The following COL4A1 variants were observed in gnomAD, a reference collection of about 807,000 sequenced individuals.
The protein encoded by COL4A1 is collagen alpha-1(IV) chain.
COL4A1 carries 40 observed loss-of-function variants against 216.6 expected under a neutral mutation model. That is an observed-to-expected ratio of 0.18 (90% confidence interval 0.14 to 0.24). The LOEUF is 0.24. COL4A1 is among the 10% of genes least tolerant of loss of function. The pLI is 1.00. For missense variants in COL4A1, 1,628 were observed against 2,196.8 expected (o/e 0.74, Z 5.18); for synonymous variants, 839 against 810.7 (o/e 1.03, Z -0.59).
intron 1 of COL4A1, among the ~76,000 whole-genome samples, chr13:110,245,570 G>C (rs1028098758): frequency 2.6e-5 from 4 of 152,204 alleles, no homozygotes; most frequent in Non-Finnish European, 4.4e-5. Context: ...TTAAGGGATT[G>C]AAGCTGAAAA....
intron 1 of COL4A1, among the ~76,000 whole-genome samples, chr13:110,280,860 G>A (rs560883941): frequency 1.3e-5 from 2 of 151,852 alleles, no homozygotes; most frequent in South Asian, 2.1e-4. Flanking sequence ...AAATACATCC[G>A]AGATCTGGCT....
In COL4A1 at chr13:110,235,043, A is replaced by C. The variant is rs1419836363; in HGVS notation, c.144+7632T>G. Among the ~76,000 whole-genome samples, 3 of 152,202 alleles carry C rather than the reference A, an allele frequency of 2.0e-5. No individual in the cohort carries two copies. The East Asian group carries it at 5.8e-4, about 29-fold the overall frequency. On this transcript the variant is annotated intron_variant, in intron 2 of 51. Coordinates refer to ENST00000375820, the MANE Select transcript of COL4A1 (RefSeq NM_001845.6). The stretch of plus-strand genomic sequence containing the variant: ...GTTTTGATTTTATGGTATATATTTC[A>C]CACCTTATAAGTAAGAAAATTGAAT...
chr13:110,271,264 G>A (rs1478763795), intron 1 of COL4A1, among the ~76,000 whole-genome samples: 1 of 152,134 alleles, frequency 6.6e-6, no homozygotes, highest in Non-Finnish European at 1.5e-5. Context: ...GAATCCTCAG[G>A]GATAGTCACG....
chr13:110,253,217 T>C (rs1357681198), intron 1 of COL4A1, among the ~76,000 whole-genome samples: 1 of 142,992 alleles, frequency 7.0e-6, no homozygotes, highest in African/African-American at 2.5e-5. Flanking sequence ...TATGTATGTA[T>C]GTATTATATA....
intron 2 of COL4A1, among the ~76,000 whole-genome samples, chr13:110,232,178 C>T (rs544369825): frequency 5.3e-5 from 8 of 152,258 alleles, no homozygotes; most frequent in South Asian, 2.1e-4. Context: ...AACTATGTGA[C>T]GAACCAAAGC....
intron 18 of COL4A1, 37 bp from the exon 19 acceptor site, chr13:110,201,559 T>C (rs910238242): frequency 5.8e-6 from 9 of 1,545,448 alleles, no homozygotes; most frequent in East Asian, 2.2e-5. Flanking sequence ...TCCCGTGGCA[T>C]GGGAATGGCT....
At chr13:110,161,126 T>C (rs1877063597) in intron 49 of COL4A1, 66 bp downstream of exon 49, 3 of 1,520,134 alleles carry the variant, frequency 2.0e-6, no homozygotes, top group South Asian at 1.1e-5. Flanking sequence ...AGAAAACATA[T>C]GCTTGTCCAG....
intron 21 of COL4A1, among the ~76,000 whole-genome samples, chr13:110,197,173 T>C (rs1295386332): frequency 6.6e-6 from 1 of 151,996 alleles, no homozygotes; most frequent in Non-Finnish European, 1.5e-5. Context: ...CTTCATGTCT[T>C]TGTAAATCAC....
chr13:110,205,642 C>A, intron 15 of COL4A1, 104 bp from the exon 16 acceptor site: 1 of 1,244,550 alleles, frequency 8.0e-7, no homozygotes, highest in South Asian at 1.2e-5. Flanking sequence ...GTGGGTGGAT[C>A]ACCTGAGGTC....
At chr13:110,194,870 A>T (rs9521643) in intron 22 of COL4A1, among the ~76,000 whole-genome samples, 153 bp downstream of exon 22, 2 of 151,968 alleles carry the variant, frequency 1.3e-5, no homozygotes, top group African/African-American at 4.8e-5. Context: ...GAAGATGCTT[A>T]TTCTAGGAAG....
intron 49 of COL4A1, among the ~76,000 whole-genome samples, chr13:110,156,872 G>T (rs955512559): frequency 1.3e-5 from 2 of 152,154 alleles, no homozygotes; most frequent in Admixed American, 6.5e-5. Context: ...TTGTGTGTGT[G>T]TCTGTCTGTG....
chr13:110,244,817 C>T (rs571733693), intron 1 of COL4A1, among the ~76,000 whole-genome samples: 5 of 152,226 alleles, frequency 3.3e-5, no homozygotes, highest in East Asian at 3.9e-4. Flanking sequence ...TCATCTAAGA[C>T]GACACCAATT....
intron 29 of COL4A1, among the ~76,000 whole-genome samples, chr13:110,179,801 A>G (rs534077667): frequency 6.6e-6 from 1 of 152,326 alleles, no homozygotes; most frequent in African/African-American, 2.4e-5. Context: ...TGAGTAGTTA[A>G]TGGAGTTCTT....
Position 110,170,717 on chromosome 13 carries a change from A to G in COL4A1, c.3572T>C (p.Val1191Ala). The G allele has an allele frequency of 1.2e-6, 2 of 1,614,190 alleles. No individual in the cohort carries two copies. Among genetic ancestry groups the G allele is most frequent in the Non-Finnish European group, 8.5e-7 (1 of 1,180,032 alleles). The change falls in exon 42 of 52, where the codon GTG (valine) becomes GCG (alanine). Residue 1191 changes from valine to alanine, a missense_variant. Around this residue, in one of 8 missense-constraint regions of COL4A1, gnomAD observed 345 missense variants for 476.9 expected, o/e 0.72. Transcript: ENST00000375820. ...GCTCCCGGCTAATCCTGGGAAACCC[A>G]CCTCACCCTTTGAACCTGAACAAGA... ...AKGDKGSKGE[V>A]GFPGLAGSPG...
At chr13:110,232,728 T>TCATGG (rs749201896) in intron 2 of COL4A1, among the ~76,000 whole-genome samples, 2 of 152,170 alleles carry the variant, frequency 1.3e-5, no homozygotes, top group Non-Finnish European at 2.9e-5. Context: ...GCTTTAAAAG[T>TCATGG]CATGGCATGT....
intron 1 of COL4A1, among the ~76,000 whole-genome samples, chr13:110,303,424 A>G (rs1013399335): frequency 6.6e-6 from 1 of 152,160 alleles, no homozygotes; most frequent in Non-Finnish European, 1.5e-5. Flanking sequence ...CTCTGAGAGC[A>G]AAGTTCAGCC....
chr13:110,222,312 G>A (rs928837089), intron 2 of COL4A1, among the ~76,000 whole-genome samples: 5 of 152,190 alleles, frequency 3.3e-5, no homozygotes, highest in Admixed American at 6.5e-5. Flanking sequence ...AACTCTGGCA[G>A]ACAGTGGATC....
At chr13:110,256,070 A>G (rs1307693582) in intron 1 of COL4A1, among the ~76,000 whole-genome samples, 1 of 152,096 alleles carries the variant, frequency 6.6e-6, no homozygotes, top group Non-Finnish European at 1.5e-5. Flanking sequence ...ATCACGCTGT[A>G]TATCTCATGT....
rs1042033578 is a variant in COL4A1 at position 110,284,704 on chromosome 13, C to T, written c.84+22240G>A. Among the ~76,000 whole-genome samples, 4 of 152,172 alleles carry T rather than the reference C, an allele frequency of 2.6e-5. No homozygotes were observed. The South Asian group carries it at 8.3e-4, about 31-fold the overall frequency. ...TAATGAGCAGAAACATGGCTCCATC[C>T]TCATGATATGAAAAAGAGAGGCTCG... On this transcript the variant is annotated intron_variant, in intron 1 of 51. Coordinates refer to ENST00000375820, the MANE Select transcript of COL4A1 (RefSeq NM_001845.6).
Sources: allele counts gnomAD v4.1 joint callset (sites outside exome capture counted in the v4.1 genomes callset), GRCh38; gene constraint gnomAD v4.1.1; regional missense constraint gnomAD v4.1.1; transcripts MANE v1.5; gene names NCBI Gene and HGNC (gene_info 2026-07-23, HGNC 2026-07-21).